SLC2A12: variants seen among roughly 807,000 people sequenced by gnomAD.
SLC2A12 encodes solute carrier family 2 member 12, also known as solute carrier family 2, facilitated glucose transporter member 12.
A neutral mutation model predicts 41.8 loss-of-function variants in SLC2A12; 23 were observed. That is an observed-to-expected ratio of 0.55 (90% CI 0.40 to 0.78). SLC2A12 has a LOEUF of 0.78. SLC2A12 is among the 30% of genes least tolerant of loss of function. The pLI, the probability that SLC2A12 is intolerant of heterozygous loss-of-function variation, is 0.00. For missense variants in SLC2A12, 654 were observed against 745.6 expected, an observed-to-expected ratio of 0.88 and a Z score of 1.43; for synonymous variants, 295 against 285.9, an observed-to-expected ratio of 1.03 and a Z score of -0.32.
rs1777166202 is a variant in SLC2A12 at position 134,029,434 on chromosome 6, T to C, written c.391A>G (p.Thr131Ala). 6 of 1,613,982 alleles carry C rather than the reference T, an allele frequency of 3.7e-6. No homozygotes were observed. The highest frequency in any genetic ancestry group is 5.1e-6 in the Non-Finnish European group (6 of 1,179,992). ...SLVLILSLSY[T>A]VLIVGRIAIG... is the part of the protein sequence containing the mutation. ...GCAATGCGTCCCACTATAAGAACCG[T>C]GTAGGATAAACTGAGGATCAAGACT... is the stretch of plus-strand genomic sequence containing the variant. The change falls in exon 2 of 5, where the codon ACG (threonine) becomes GCG (alanine). Residue 131 changes from threonine (T) to alanine (A), a missense_variant. Transcript: ENST00000275230.
chr6:134,004,045 A>T (rs1164021126), intron 3 of SLC2A12, among the ~76,000 whole-genome samples: 1 of 152,176 alleles, frequency 6.6e-6, no homozygotes, highest in Non-Finnish European at 1.5e-5. Flanking sequence ...TTTGTTTTTA[A>T]GTGGATCTGT....
intron 2 of SLC2A12, among the ~76,000 whole-genome samples, chr6:134,027,221 G>A (rs1352478465): frequency 6.6e-6 from 1 of 152,110 alleles, no homozygotes; most frequent in East Asian, 1.9e-4. Context: ...CATATTGCTT[G>A]AATTAATAGT....
chr6:134,030,600 A>G lies in SLC2A12; in HGVS notation c.104-879T>C, dbSNP rs548298701. On this transcript the variant is annotated intron_variant, in intron 1 of 4. Transcript: ENST00000275230. ...CAACTTGTCAAAATAGAAATAAAAC[A>G]AAACAAAAAAGCAACAGAGGGAAGA... Among the ~76,000 whole-genome samples, 7 of 152,362 alleles carry G rather than the reference A, an allele frequency of 4.6e-5. No individual in the cohort carries two copies. In the South Asian group the frequency reaches 1.2e-3, roughly 27 times the overall value.
At chr6:134,024,436 T>C (rs192630100) in intron 2 of SLC2A12, among the ~76,000 whole-genome samples, 1 of 152,206 alleles carries the variant, frequency 6.6e-6, no homozygotes, top group Non-Finnish European at 1.5e-5. Context: ...TTTTCCTTTT[T>C]CCCCAATTGT....
chr6:134,015,329 A>G (rs2627240), intron 2 of SLC2A12, among the ~76,000 whole-genome samples: 72,193 of 151,828 alleles, frequency 0.48, 17,857 homozygotes, highest in African/African-American at 0.62. Context: ...TGTGGGGGGA[A>G]GGAGAGCATC....
intron 2 of SLC2A12, among the ~76,000 whole-genome samples, chr6:134,018,704 C>A (rs1028007345): frequency 6.6e-6 from 1 of 152,186 alleles, no homozygotes; most frequent in Non-Finnish European, 1.5e-5. Flanking sequence ...CTTACCTCCA[C>A]CTAAATTTTA....
intron 4 of SLC2A12, among the ~76,000 whole-genome samples, chr6:133,994,270 A>G (rs567318337): frequency 4.6e-5 from 7 of 152,322 alleles, no homozygotes; most frequent in African/African-American, 1.7e-4. Context: ...TGAGTAGAAT[A>G]GGTTTGAGAA....
intron 3 of SLC2A12, among the ~76,000 whole-genome samples, chr6:134,006,193 C>CAAAAAAAAAAAAAAAAAAAAAAAAA (rs571711008): frequency 8.2e-6 from 1 of 121,602 alleles, no homozygotes; most frequent in Non-Finnish European, 1.7e-5. Context: ...AAAAAAAAAA[C>CAAAAAAAAAAAAAAAAAAAAAAAAA]AAAAAAAAAA....
At chr6:133,999,010 A>G (rs1465623161) in intron 4 of SLC2A12, among the ~76,000 whole-genome samples, 46 of 152,242 alleles carry the variant, frequency 3.0e-4, no homozygotes. Flanking sequence ...TAGGCATTGT[A>G]GGAGTTACAT....
intron 2 of SLC2A12, among the ~76,000 whole-genome samples, chr6:134,011,420 G>A (rs970752355): frequency 2.0e-5 from 3 of 151,994 alleles, no homozygotes; most frequent in African/African-American, 7.2e-5. Flanking sequence ...CCAGGAGTTT[G>A]AGACCAGCCT....
chr6:134,017,803 G>A (rs977067881), intron 2 of SLC2A12, among the ~76,000 whole-genome samples: 12 of 151,432 alleles, frequency 7.9e-5, no homozygotes, highest in East Asian at 3.9e-4. Context: ...GCAGTGAGCC[G>A]AGATCGCGCC....
intron 1 of SLC2A12, among the ~76,000 whole-genome samples, chr6:134,035,151 C>CAAAAAAAAAAA (rs71003662): frequency 9.3e-6 from 1 of 107,910 alleles, no homozygotes. Context: ...GGCTGCCTGA[C>CAAAAAAAAAAA]AAAAAAAAAA....
intron 4 of SLC2A12, among the ~76,000 whole-genome samples, chr6:133,999,811 G>C (rs1229393959): frequency 6.6e-6 from 1 of 152,168 alleles, no homozygotes; most frequent in South Asian, 2.1e-4. Flanking sequence ...GGGATGCCTT[G>C]TTATGCAGCA....
chr6:134,039,180 C>T (rs1474121492), intron 1 of SLC2A12, among the ~76,000 whole-genome samples: 1 of 151,820 alleles, frequency 6.6e-6, no homozygotes, highest in African/African-American at 2.4e-5. Context: ...TATTCATTTC[C>T]TCTTTCATCT....
At position 134,028,431 on chromosome 6, in the gene SLC2A12, A is replaced by C. The variant is rs774479876; in HGVS notation, c.1394T>G (p.Leu465Ter). 1 of 1,614,138 alleles carries C rather than the reference A, an allele frequency of 6.2e-7. No individual in the cohort carries two copies. Among genetic ancestry groups the C allele is most frequent in the Non-Finnish European group, 8.5e-7 (1 of 1,179,998 alleles). ...AGCAACATAAACAAGCAAGCTGGCTAAGGACAGCCATTTCAAAAAAGCTGG... is the reference window on the plus strand; with the variant it reads ...AGCAACATAAACAAGCAAGCTGGCTCAGGACAGCCATTTCAAAAAAGCTGG... Reference protein sequence around the residue: ...DVPAFLKWLSLASLLVYVAAF... With the variant: ...DVPAFLKWLS The change falls in exon 2 of 5, where the codon TTA becomes TGA. Residue 465 changes from leucine to a stop codon, truncating the protein, a stop_gained. Coordinates refer to ENST00000275230, the MANE Select transcript of SLC2A12 (RefSeq NM_145176.3). LOFTEE classifies it high-confidence loss of function.
chr6:134,048,199 A>T (rs1337892553), intron 1 of SLC2A12, among the ~76,000 whole-genome samples: 1 of 152,168 alleles, frequency 6.6e-6, no homozygotes, highest in East Asian at 1.9e-4. Context: ...ACAGTCACAG[A>T]GATACGCTGA....
intron 4 of SLC2A12, among the ~76,000 whole-genome samples, chr6:134,000,018 A>T (rs1192105532): frequency 6.6e-6 from 1 of 152,306 alleles, no homozygotes; most frequent in South Asian, 2.1e-4. Flanking sequence ...TTTGTAATTG[A>T]TAGCCTTATT....
At chr6:134,039,623 T>C (rs1777353094) in intron 1 of SLC2A12, among the ~76,000 whole-genome samples, 1 of 152,248 alleles carries the variant, frequency 6.6e-6, no homozygotes, top group Non-Finnish European at 1.5e-5. Flanking sequence ...GATACAGTTT[T>C]TTTTTAATCA....
chr6:133,991,655 T>C (rs765879567), intron 4 of SLC2A12, among the ~76,000 whole-genome samples: 1 of 152,244 alleles, frequency 6.6e-6, no homozygotes, highest in Non-Finnish European at 1.5e-5. Flanking sequence ...TATATTTATA[T>C]CTCTTCTATC....
Sources: gnomAD v4.1 joint callset for allele counts (sites outside exome capture counted in the v4.1 genomes callset) on GRCh38, gnomAD v4.1.1 for gene constraint, MANE v1.5 for transcripts, NCBI Gene and HGNC (gene_info 2026-07-23, HGNC 2026-07-21) for gene names.